Variants in MGMT observed in about 807,000 individuals in gnomAD.
MGMT encodes methylated-DNA--protein-cysteine methyltransferase.
MGMT carries 14 observed loss-of-function variants against 15.9 expected under a neutral mutation model. That is an observed-to-expected ratio of 0.88 (90% confidence interval 0.58 to 1.37). The LOEUF (loss-of-function observed/expected upper bound fraction) is 1.37. MGMT is among the 40% of genes most tolerant of loss of function. MGMT has a pLI of 0.00. For synonymous variants in MGMT, 130 were observed against 118.2 expected, an observed-to-expected ratio of 1.10 and a Z score of -0.65; for missense variants, 282 against 268.1, an observed-to-expected ratio of 1.05 and a Z score of -0.36.
chr10:129,764,055 C>G lies in MGMT; in HGVS notation c.415-2733C>G, dbSNP rs1435483727. Among the ~76,000 whole-genome samples, 12 of 152,248 alleles carry G rather than the reference C, an allele frequency of 7.9e-5. No individual in the cohort carries two copies. In the East Asian group the frequency reaches 2.3e-3, roughly 29 times the overall value. On this transcript the variant is annotated intron_variant, in intron 4 of 4. Coordinates refer to ENST00000651593, the MANE Select transcript of MGMT (RefSeq NM_002412.5). ...TCCCACCTTGCAGCCATGTCATCTG[C>G]TGGCACCGGCTGTCACCCCACAAGG...
At chr10:129,691,210 G>A (rs1263112215) in intron 2 of MGMT, among the ~76,000 whole-genome samples, 1 of 152,232 alleles carries the variant, frequency 6.6e-6, no homozygotes, top group African/African-American at 2.4e-5. Flanking sequence ...GATCTGGATA[G>A]GCAGCTGCAT....
intron 2 of MGMT, among the ~76,000 whole-genome samples, chr10:129,654,385 G>A (rs1847499963): frequency 6.6e-6 from 1 of 152,200 alleles, no homozygotes; most frequent in Non-Finnish European, 1.5e-5. Context: ...ACTCTCCCAT[G>A]TCTTTGAAGC....
chr10:129,527,743 G>A (rs1402640311), intron 1 of MGMT, among the ~76,000 whole-genome samples: 1 of 149,526 alleles, frequency 6.7e-6, no homozygotes, highest in African/African-American at 2.5e-5. Context: ...CCTGGAATCC[G>A]TGTTCTCCCT....
At chr10:129,537,411 A>G (rs902947099) in intron 2 of MGMT, among the ~76,000 whole-genome samples, 1 of 152,184 alleles carries the variant, frequency 6.6e-6, no homozygotes, top group Non-Finnish European at 1.5e-5. Flanking sequence ...CAAACCTTTG[A>G]ACCATGTGAA....
intron 2 of MGMT, among the ~76,000 whole-genome samples, chr10:129,604,922 C>T (rs1214206515): frequency 6.6e-6 from 1 of 152,166 alleles, no homozygotes; most frequent in Non-Finnish European, 1.5e-5. Flanking sequence ...AAGAAGTGAA[C>T]GGAATCACAG....
At chr10:129,710,222 T>G (rs1848215794) in intron 3 of MGMT, among the ~76,000 whole-genome samples, 1 of 152,160 alleles carries the variant, frequency 6.6e-6, no homozygotes. Flanking sequence ...GTAAAGGCTG[T>G]CTGGCTCCCC....
chr10:129,766,942 C>T lies in MGMT; in HGVS notation c.569C>T (p.Ala190Val). ...GGAGGGAGCTCAGGTCTGGCAGGGG[C>T]CTGGCTCAAGGGAGCGGGAGCTACC... ...GLGGSSGLAG[A>V]WLKGAGATSG... Residue 190 changes from alanine to valine, a missense_variant, in exon 5 of 5, where the codon GCC (alanine) becomes GTC (valine). Physicochemically the swap from Ala to Val is moderately conservative, Grantham distance 64. Transcript: ENST00000651593. 1 of 1,612,978 alleles carries T rather than the reference C, an allele frequency of 6.2e-7. No individual in the cohort carries two copies. Among genetic ancestry groups the T allele is most frequent in the African/African-American group, 1.3e-5 (1 of 75,072 alleles).
intron 2 of MGMT, among the ~76,000 whole-genome samples, chr10:129,673,705 T>C (rs1156368540): frequency 1.3e-5 from 2 of 152,234 alleles, no homozygotes; most frequent in Non-Finnish European, 2.9e-5. Flanking sequence ...TGCCACCTCG[T>C]AATTTCAAAT....
intron 1 of MGMT, among the ~76,000 whole-genome samples, chr10:129,503,780 G>A (rs1247507717): frequency 1.3e-5 from 2 of 152,168 alleles, no homozygotes; most frequent in Non-Finnish European, 2.9e-5. Flanking sequence ...TCGGATCCAG[G>A]GGCTGAAATG....
At chr10:129,551,845 C>CG (rs1483230369) in intron 2 of MGMT, among the ~76,000 whole-genome samples, 1 of 152,162 alleles carries the variant, frequency 6.6e-6, no homozygotes, top group Non-Finnish European at 1.5e-5. Flanking sequence ...GGCCTGCGCT[C>CG]GCCTGGGAAG....
intron 2 of MGMT, among the ~76,000 whole-genome samples, chr10:129,549,901 A>G (rs1846137005): frequency 1.3e-5 from 2 of 152,174 alleles, no homozygotes; most frequent in Admixed American, 6.5e-5. Context: ...TTTGTCTGAT[A>G]TGGAGGAGCA....
intron 3 of MGMT, among the ~76,000 whole-genome samples, chr10:129,752,438 A>G (rs1564785100): frequency 1.3e-5 from 2 of 151,976 alleles, no homozygotes; most frequent in South Asian, 2.1e-4. Context: ...GACAGTCTCT[A>G]TCTTTTCCTT....
chr10:129,746,355 T>A (rs1394627976), intron 3 of MGMT, among the ~76,000 whole-genome samples: 4 of 151,908 alleles, frequency 2.6e-5, no homozygotes, highest in Admixed American at 6.6e-5. Context: ...CTCTTTTTTT[T>A]ATCATGATTT....
intron 2 of MGMT, among the ~76,000 whole-genome samples, chr10:129,574,111 G>A (rs1257337459): frequency 1.3e-5 from 2 of 152,234 alleles, no homozygotes; most frequent in Non-Finnish European, 2.9e-5. Flanking sequence ...AGATGATACT[G>A]TTATTTATGC....
At chr10:129,471,089 TCCA>T (rs943752346) in intron 1 of MGMT, among the ~76,000 whole-genome samples, 11 of 152,200 alleles carry the variant, frequency 7.2e-5, no homozygotes, top group African/African-American at 2.4e-4. Context: ...GAATGGATAG[TCCA>T]CCAGCGGCGT....
At chr10:129,486,230 C>T (rs1485092057) in intron 1 of MGMT, among the ~76,000 whole-genome samples, 1 of 141,786 alleles carries the variant, frequency 7.1e-6, no homozygotes, top group Non-Finnish European at 1.5e-5. Context: ...CTCTGTTGCT[C>T]AGGCTGGAGT....
chr10:129,717,872 T>C (rs1016630041), intron 3 of MGMT: 3 of 152,362 alleles, frequency 2.0e-5, no homozygotes, highest in East Asian at 1.9e-4. Context: ...ATATTATTCA[T>C]GGCCCAATGT....
At chr10:129,550,614 T>G (rs953059491) in intron 2 of MGMT, among the ~76,000 whole-genome samples, 20 of 152,008 alleles carry the variant, frequency 1.3e-4, no homozygotes, top group Non-Finnish European at 2.2e-4. Context: ...GCCCAGCTAA[T>G]TTTTGTATTT....
At chr10:129,493,517 T>C (rs536992791) in intron 1 of MGMT, among the ~76,000 whole-genome samples, 16 of 152,314 alleles carry the variant, frequency 1.1e-4, no homozygotes, top group Admixed American at 4.6e-4. Context: ...CCAAAACAAC[T>C]GGTTTGGTTT....
Sources: allele counts gnomAD v4.1 joint callset (sites outside exome capture counted in the v4.1 genomes callset), GRCh38; gene constraint gnomAD v4.1.1; transcripts MANE v1.5; gene names NCBI Gene and HGNC (gene_info 2026-07-23, HGNC 2026-07-21).